Variants in SCAPER observed in about 807,000 individuals in gnomAD.
SCAPER encodes the protein S phase cyclin A-associated protein in the endoplasmic reticulum.
Under a neutral mutation model 182.2 loss-of-function variants are expected in SCAPER, and 98 were observed. The ratio of observed to expected loss-of-function variants is 0.54; its 90% confidence interval spans 0.46 to 0.64. The LOEUF (loss-of-function observed/expected upper bound fraction) is 0.64, where lower values mean the gene tolerates loss of function less well. Among genes scored for constraint, SCAPER ranks in the 30% least tolerant of loss-of-function variants. The pLI is 0.00. For synonymous variants in SCAPER, 605 were observed against 564.6 expected, an observed-to-expected ratio of 1.07 and a Z score of -1.01; for missense variants, 1,432 against 1,690.0, an observed-to-expected ratio of 0.85 and a Z score of 2.68.
intron 23 of SCAPER, among the ~76,000 whole-genome samples, chr15:76,521,493 C>T (rs2144306780): frequency 6.6e-6 from 1 of 152,142 alleles, no homozygotes; most frequent in Non-Finnish European, 1.5e-5. Context: ...GACCAATTTT[C>T]ATTAGTTAAT....
chr15:76,839,590 A>G (rs1026148143), intron 5 of SCAPER, among the ~76,000 whole-genome samples: 9 of 152,246 alleles, frequency 5.9e-5, no homozygotes, highest in Admixed American at 5.2e-4. Context: ...TAGATTTCTC[A>G]GCATAAGCCT....
intron 22 of SCAPER, among the ~76,000 whole-genome samples, chr15:76,605,081 G>A (rs1001492560): frequency 1.3e-5 from 2 of 152,114 alleles, no homozygotes; most frequent in Non-Finnish European, 2.9e-5. Flanking sequence ...TGGTGAGAGG[G>A]GGCATCCCTG....
intron 29 of SCAPER, among the ~76,000 whole-genome samples, chr15:76,363,936 C>T (rs1305745649): frequency 6.6e-6 from 1 of 152,172 alleles, no homozygotes; most frequent in Non-Finnish European, 1.5e-5. Context: ...GAAGACCAGG[C>T]CTAGGAGCAA....
intron 1 of SCAPER, among the ~76,000 whole-genome samples, chr15:76,895,604 T>C (rs1423220431): frequency 6.6e-6 from 1 of 152,006 alleles, no homozygotes; most frequent in East Asian, 1.9e-4. Flanking sequence ...TGATCTTATA[T>C]ACAGAAAATC....
chr15:76,399,439 T>C (rs1252722612), intron 27 of SCAPER, among the ~76,000 whole-genome samples: 1 of 152,166 alleles, frequency 6.6e-6, no homozygotes, highest in Non-Finnish European at 1.5e-5. Flanking sequence ...TGGCCAGAAA[T>C]AGGCATTTCT....
chr15:76,614,506 A>C (rs7174953), intron 22 of SCAPER, among the ~76,000 whole-genome samples: 58,090 of 152,156 alleles, frequency 0.38, 13,097 homozygotes, highest in Middle Eastern at 0.52. Flanking sequence ...TGAAGTTAGA[A>C]ATTTGTAACA....
At chr15:76,419,579 G>A (rs2045886926) in intron 26 of SCAPER, among the ~76,000 whole-genome samples, 2 of 151,876 alleles carry the variant, frequency 1.3e-5, no homozygotes, top group Non-Finnish European at 2.9e-5. Flanking sequence ...AATTAGCCGG[G>A]TGTGGTGGTG....
In SCAPER at chr15:76,766,955, T is replaced by A. The variant is rs909818165; in HGVS notation, c.1382A>T (p.Asp461Val). Residue 461 changes from aspartate (D) to valine (V), a missense_variant, in exon 11 of 32, where the codon GAT (aspartate) becomes GTT (valine). Coordinates refer to ENST00000563290, the MANE Select transcript of SCAPER (RefSeq NM_020843.4). ...TREIEAEENN[D>V]INIETDNDSD... ...GTCGTTGTCAGTTTCAATGTTAATA[T>A]CATTGTTTTCTTCAGCTTCAATTTC... 6.2e-6 allele frequency: 10 copies of A among 1,608,844 alleles called. No individual in the cohort carries two copies. In the African/African-American group the frequency reaches 1.1e-4, roughly 17 times the overall value.
intron 23 of SCAPER, among the ~76,000 whole-genome samples, chr15:76,532,623 T>C (rs1183173230): frequency 6.6e-6 from 1 of 152,224 alleles, no homozygotes; most frequent in Non-Finnish European, 1.5e-5. Flanking sequence ...AGGGCCTATA[T>C]TTCTCACTGC....
At chr15:76,547,139 G>C (rs1031515006) in intron 23 of SCAPER, among the ~76,000 whole-genome samples, 4 of 152,140 alleles carry the variant, frequency 2.6e-5, no homozygotes, top group Admixed American at 2.0e-4. Flanking sequence ...TTCAGAGTGG[G>C]TTTCCATTTA....
chr15:76,645,526 C>CT (rs764750763), intron 21 of SCAPER, among the ~76,000 whole-genome samples: 2,950 of 141,416 alleles, frequency 0.021, 37 homozygotes, highest in African/African-American at 0.035. Context: ...AAAGATCAGC[C>CT]TTTTTTTTTT....
At chr15:76,741,345 A>G (rs1336186257) in intron 15 of SCAPER, among the ~76,000 whole-genome samples, 1 of 152,130 alleles carries the variant, frequency 6.6e-6, no homozygotes, top group Non-Finnish European at 1.5e-5. Flanking sequence ...CTTTTAAAAT[A>G]AAAATATGGC....
chr15:76,830,526 G>A (rs2068373611), intron 5 of SCAPER, among the ~76,000 whole-genome samples: 3 of 152,044 alleles, frequency 2.0e-5, no homozygotes, highest in South Asian at 2.1e-4. Flanking sequence ...AAAGAATTAG[G>A]AGGTAATTCT....
intron 22 of SCAPER, among the ~76,000 whole-genome samples, chr15:76,575,941 G>T (rs2047787135): frequency 6.6e-6 from 1 of 152,308 alleles, no homozygotes; most frequent in African/African-American, 2.4e-5. Context: ...CTTCATGAGC[G>T]AGGTGCTCGT....
Position 76,888,293 on chromosome 15 carries a change from T to C in SCAPER, c.-59-4417A>G, listed in dbSNP as rs190111592. On this transcript the variant is annotated intron_variant, in intron 1 of 31. Coordinates refer to ENST00000563290, the MANE Select transcript of SCAPER (RefSeq NM_020843.4). ...TTCTCCTTCAAAGGATCGCAGCTCCTCACCAGCAACAGAACAAAGCTGGAT... is the reference window on the plus strand; with the variant it reads ...TTCTCCTTCAAAGGATCGCAGCTCCCCACCAGCAACAGAACAAAGCTGGAT... Among the ~76,000 whole-genome samples the C allele has an allele frequency of 5.3e-5, 8 of 152,294 alleles. 1 individual carries two copies. Among genetic ancestry groups the C allele is most frequent in the Admixed American group, 3.3e-4 (5 of 15,302 alleles).
intron 22 of SCAPER, among the ~76,000 whole-genome samples, chr15:76,584,139 C>T (rs1441572887): frequency 1.3e-5 from 2 of 152,052 alleles, no homozygotes; most frequent in African/African-American, 4.8e-5. Flanking sequence ...AACTGGAGGT[C>T]ATTATGTTAA....
intron 22 of SCAPER, among the ~76,000 whole-genome samples, chr15:76,583,416 A>G (rs1043952737): frequency 6.6e-6 from 1 of 152,094 alleles, no homozygotes; most frequent in Non-Finnish European, 1.5e-5. Context: ...AAAAATGGAC[A>G]AATGGGATCA....
chr15:76,667,625 C>CAAAAAAA (rs775463270), intron 20 of SCAPER, among the ~76,000 whole-genome samples: 2 of 27,474 alleles, frequency 7.3e-5, no homozygotes, highest in African/African-American at 1.3e-4. Flanking sequence ...GACTCAGTCT[C>CAAAAAAA]AAAAAAAAAA....
chr15:76,646,210 C>T (rs541791459), intron 21 of SCAPER, among the ~76,000 whole-genome samples: 2 of 152,230 alleles, frequency 1.3e-5, no homozygotes, highest in South Asian at 2.1e-4. Flanking sequence ...CTGCAGGCTC[C>T]GCACGTGGAA....
Sources: gnomAD v4.1 joint callset for allele counts (sites outside exome capture counted in the v4.1 genomes callset) on GRCh38, gnomAD v4.1.1 for gene constraint, MANE v1.5 for transcripts, NCBI Gene and HGNC (gene_info 2026-07-23, HGNC 2026-07-21) for gene names.